The following TRPM3 variants were observed in gnomAD, a reference collection of about 807,000 sequenced individuals.
TRPM3 encodes the protein transient receptor potential cation channel subfamily M member 3, also known as long transient receptor potential channel 3.
A neutral mutation model predicts 181.2 loss-of-function variants in TRPM3; 77 were observed. The ratio of observed to expected loss-of-function variants is 0.42; its 90% confidence interval spans 0.35 to 0.51. TRPM3 has a LOEUF of 0.51. Among genes scored for constraint, TRPM3 ranks in the 20% least tolerant of loss-of-function variants. TRPM3 has a pLI of 0.01. For missense variants in TRPM3, 1,759 were observed against 2,196.7 expected, an observed-to-expected ratio of 0.80 and a Z score of 3.98; for synonymous variants, 745 against 796.4, an observed-to-expected ratio of 0.94 and a Z score of 1.09.
At chr9:70,935,331 T>C (rs2096818514) in intron 1 of TRPM3, among the ~76,000 whole-genome samples, 1 of 152,148 alleles carries the variant, frequency 6.6e-6, no homozygotes, top group Admixed American at 6.6e-5. Context: ...GGGACCCAAT[T>C]CACTCTTGGA....
At chr9:71,212,287 TTA>T (rs1177918985) in intron 1 of TRPM3, among the ~76,000 whole-genome samples, 4 of 152,130 alleles carry the variant, frequency 2.6e-5, no homozygotes, top group Non-Finnish European at 4.4e-5. Context: ...CACATAATTT[TTA>T]TCTTTTGTAG....
Position 70,537,064 on chromosome 9 carries a change from G to T in TRPM3, c.4049C>A (p.Ser1350Tyr). 1 of 1,612,322 alleles carries T rather than the reference G, an allele frequency of 6.2e-7. No homozygotes were observed. Among genetic ancestry groups the T allele is most frequent in the East Asian group, 2.2e-5 (1 of 44,790 alleles). ...PTLMPRMRSH[S>Y]FYSVNMKDKG... ...GTCTTTCATATTGACCGAATAGAAAGAATGGCTTCGCATACGGGGCATTAA... is the reference window on the plus strand; with the variant it reads ...GTCTTTCATATTGACCGAATAGAAATAATGGCTTCGCATACGGGGCATTAA... Residue 1350 changes from serine (S) to tyrosine (Y), a missense_variant, in exon 26 of 26, where the codon TCT becomes TAT. By Grantham distance (144) the Ser-to-Tyr change is moderately radical. This residue lies in a region of TRPM3 where 612 missense variants were observed against 590.0 expected (regional missense o/e 1.04). Transcript: ENST00000677713.
At chr9:70,757,280 C>T (rs901795341) in intron 8 of TRPM3, among the ~76,000 whole-genome samples, 2 of 152,050 alleles carry the variant, frequency 1.3e-5, no homozygotes, top group African/African-American at 4.8e-5. Flanking sequence ...CAAGACTAAA[C>T]CAGGAAGAAG....
chr9:71,246,946 T>C (rs2082066716), intron 1 of TRPM3, among the ~76,000 whole-genome samples: 2 of 152,088 alleles, frequency 1.3e-5, no homozygotes. Flanking sequence ...ACTAGCAAAA[T>C]GGAAACTATT....
At chr9:70,548,919 T>C (rs7020777) in intron 25 of TRPM3, among the ~76,000 whole-genome samples, 129,944 of 151,894 alleles carry the variant, frequency 0.86, 55,701 homozygotes, top group East Asian at 0.97. Context: ...TTCTTATAGC[T>C]CTGCTGGCTA....
At chr9:70,678,181 T>G (rs145471152) in intron 9 of TRPM3, among the ~76,000 whole-genome samples, 21 of 152,308 alleles carry the variant, frequency 1.4e-4, no homozygotes, top group African/African-American at 4.1e-4. Flanking sequence ...ACATTGCCCA[T>G]TCTTAAAAGC....
chr9:70,568,682 G>A (rs1345392526), intron 22 of TRPM3, among the ~76,000 whole-genome samples: 1 of 152,210 alleles, frequency 6.6e-6, no homozygotes, highest in East Asian at 1.9e-4. Flanking sequence ...CACACAGCTA[G>A]CAAGAGGCAA....
chr9:71,332,376 G>GGTGTGTGT (rs3041716), intron 1 of TRPM3, among the ~76,000 whole-genome samples: 1,973 of 142,294 alleles, frequency 0.014, 46 homozygotes, highest in African/African-American at 0.035. Context: ...TTCAATGTTG[G>GGTGTGTGT]GTGTGTGTGT....
intron 1 of TRPM3, among the ~76,000 whole-genome samples, chr9:70,955,951 A>G (rs1327716994): frequency 6.6e-6 from 1 of 152,192 alleles, no homozygotes; most frequent in South Asian, 2.1e-4. Flanking sequence ...GAGTGACAGG[A>G]TATCATTATC....
chr9:70,877,078 T>C (rs1399458175), intron 1 of TRPM3, among the ~76,000 whole-genome samples: 1 of 152,062 alleles, frequency 6.6e-6, no homozygotes, highest in Non-Finnish European at 1.5e-5. Flanking sequence ...ATCATTAATA[T>C]CATAACAAAT....
rs141628959 is a variant in TRPM3, at chr9:70,900,257, C to T, written c.178-35746G>A. On this transcript the variant is annotated intron_variant, in intron 1 of 25. Transcript: ENST00000677713. The stretch of plus-strand genomic sequence containing the variant: ...TCGGAAGGCTGAGGCAGGAGAATCG[C>T]TTGAACCCAGGAGGCGGAGGTTGCA... 6.9e-3 allele frequency among the ~76,000 whole-genome samples: 1,057 copies of T among 152,206 alleles called. 8 individuals are homozygous for T. The highest frequency in any genetic ancestry group is 0.024 in the African/African-American group (1,013 of 41,536).
chr9:71,136,655 C>T (rs373895154), intron 1 of TRPM3, among the ~76,000 whole-genome samples: 2 of 152,080 alleles, frequency 1.3e-5, no homozygotes, highest in African/African-American at 2.4e-5. Flanking sequence ...TTCTTAATCC[C>T]GGTCCAGACA....
chr9:71,089,913 T>G (rs1326384239), intron 1 of TRPM3, among the ~76,000 whole-genome samples: 10 of 152,086 alleles, frequency 6.6e-5, no homozygotes, highest in Admixed American at 6.6e-4. Context: ...AGAATTGTCT[T>G]GGGCCATGCA....
chr9:71,067,703 A>G (rs943202053), intron 1 of TRPM3, among the ~76,000 whole-genome samples: 2 of 152,310 alleles, frequency 1.3e-5, no homozygotes, highest in East Asian at 3.9e-4. Context: ...CTCAGTTAAT[A>G]TTTCCTAATA....
chr9:70,758,541 G>A (rs1028323633), intron 8 of TRPM3, among the ~76,000 whole-genome samples: 1 of 152,116 alleles, frequency 6.6e-6, no homozygotes, highest in Non-Finnish European at 1.5e-5. Context: ...TAAGCAAAAA[G>A]AACAAAGCTG....
chr9:70,683,710 A>G (rs987733740), intron 8 of TRPM3, among the ~76,000 whole-genome samples: 2 of 152,178 alleles, frequency 1.3e-5, no homozygotes, highest in African/African-American at 2.4e-5. Flanking sequence ...CTGCTTCTGC[A>G]TAACTACAGG....
intron 1 of TRPM3, among the ~76,000 whole-genome samples, chr9:71,323,946 C>G (rs1032215740): frequency 6.6e-6 from 1 of 152,106 alleles, no homozygotes; most frequent in Non-Finnish European, 1.5e-5. Flanking sequence ...CTTAAGCTAG[C>G]CTGAGTGGGC....
chr9:71,077,983 T>C (rs1342100535), intron 1 of TRPM3, among the ~76,000 whole-genome samples: 1 of 151,610 alleles, frequency 6.6e-6, no homozygotes, highest in Non-Finnish European at 1.5e-5. Context: ...GGTGTACAGC[T>C]GGCTGGAGTA....
At chr9:70,770,703 T>C (rs1294337225) in intron 7 of TRPM3, among the ~76,000 whole-genome samples, 1 of 152,192 alleles carries the variant, frequency 6.6e-6, no homozygotes. Context: ...ATAAGGGTAG[T>C]ATATGTCTTT....
Sources: gnomAD v4.1 joint callset for allele counts (sites outside exome capture counted in the v4.1 genomes callset) on GRCh38, gnomAD v4.1.1 for gene constraint, gnomAD v4.1.1 regional missense constraint, MANE v1.5 for transcripts, NCBI Gene and HGNC (gene_info 2026-07-23, HGNC 2026-07-21) for gene names.